Variants in RIMS2 observed in about 807,000 individuals in gnomAD.
RIMS2 encodes regulating synaptic membrane exocytosis 2, also known as regulating synaptic membrane exocytosis protein 2.
RIMS2 carries 59 observed loss-of-function variants against 174.4 expected under a neutral mutation model. The observed-to-expected ratio is 0.34, with a 90% CI of 0.27 to 0.42. The LOEUF (loss-of-function observed/expected upper bound fraction) is 0.42. Among genes scored for constraint, RIMS2 ranks in the 10% least tolerant of loss-of-function variants. The pLI is 1.00. For missense variants in RIMS2, 1,620 were observed against 1,666.3 expected, an observed-to-expected ratio of 0.97 and a Z score of 0.48; for synonymous variants, 606 against 572.5, an observed-to-expected ratio of 1.06 and a Z score of -0.84.
chr8:104,146,451 G>A (rs2098640795), intron 19 of RIMS2, among the ~76,000 whole-genome samples: 1 of 152,144 alleles, frequency 6.6e-6, no homozygotes, highest in South Asian at 2.1e-4. Context: ...AGGTTGAAGA[G>A]AAGTGCACTT....
At chr8:103,819,529 C>G in intron 3 of RIMS2, 1 of 1,612,460 alleles carries the variant, frequency 6.2e-7, no homozygotes, top group Non-Finnish European at 8.5e-7. Context: ...GACATTGCGC[C>G]AGGTCTGCAA....
chr8:104,113,256 C>G (rs999664673), intron 19 of RIMS2, among the ~76,000 whole-genome samples: 2 of 152,056 alleles, frequency 1.3e-5, no homozygotes, highest in Admixed American at 6.6e-5. Flanking sequence ...CATGAGAATT[C>G]TATTCCAGTT....
intron 4 of RIMS2, among the ~76,000 whole-genome samples, chr8:103,896,375 T>C (rs976038128): frequency 6.6e-6 from 1 of 151,636 alleles, no homozygotes; most frequent in Non-Finnish European, 1.5e-5. Context: ...GTATGTACTC[T>C]GGTAGAAGAA....
intron 11 of RIMS2, among the ~76,000 whole-genome samples, chr8:103,928,860 T>C (rs1173175478): frequency 2.0e-5 from 3 of 151,490 alleles, no homozygotes; most frequent in South Asian, 2.1e-4. Context: ...TGTGAAGATA[T>C]GTTTGTTATA....
At chr8:103,965,578 A>G (rs1442762691) in intron 15 of RIMS2, among the ~76,000 whole-genome samples, 1 of 152,098 alleles carries the variant, frequency 6.6e-6, no homozygotes, top group Non-Finnish European at 1.5e-5. Context: ...ATAGACAATC[A>G]TGGCATCACA....
chr8:103,964,246 C>T (rs560149085), intron 15 of RIMS2, among the ~76,000 whole-genome samples: 3 of 152,258 alleles, frequency 2.0e-5, no homozygotes, highest in African/African-American at 2.4e-5. Context: ...AGTTCCAAAA[C>T]GTCTGTACCA....
intron 19 of RIMS2, among the ~76,000 whole-genome samples, chr8:104,243,744 C>CA (rs2099315383): frequency 6.6e-6 from 1 of 152,130 alleles, no homozygotes; most frequent in Admixed American, 6.6e-5. Context: ...GGTTGTATCC[C>CA]AAAAAGCTAT....
At chr8:104,111,397 A>G (rs1222204894) in intron 19 of RIMS2, among the ~76,000 whole-genome samples, 2 of 151,992 alleles carry the variant, frequency 1.3e-5, no homozygotes, top group East Asian at 1.9e-4. Flanking sequence ...CAAGTGGCTC[A>G]TTTTCTTTTT....
chr8:103,516,771 G>A (rs189417916), intron 1 of RIMS2, among the ~76,000 whole-genome samples: 6 of 152,014 alleles, frequency 3.9e-5, no homozygotes, highest in African/African-American at 1.4e-4. Flanking sequence ...AACCCAATTG[G>A]GACAAAAGTA....
chr8:104,255,896 C>T (rs1231611198), downstream of RIMS2: 1 of 152,168 alleles, frequency 6.6e-6, no homozygotes, highest in African/African-American at 2.4e-5. Flanking sequence ...ACACATCTTC[C>T]ATATGCCCTG....
exon 17 of RIMS2, chr8:103,989,339 A>G (rs2094547506): frequency 6.2e-7 from 1 of 1,613,234 alleles, no homozygotes; most frequent in Admixed American, 1.7e-5. Context: ...AGGGACCCGC[A>G]CTATGACCGG....
At chr8:103,595,819 GA>G (rs1443847040) in intron 1 of RIMS2, among the ~76,000 whole-genome samples, 3 of 151,892 alleles carry the variant, frequency 2.0e-5, no homozygotes, top group Non-Finnish European at 2.9e-5. Flanking sequence ...ATTTTAAGAA[GA>G]AATGAGGACT....
intron 4 of RIMS2, among the ~76,000 whole-genome samples, chr8:103,899,143 C>T (rs1216854698): frequency 6.6e-6 from 1 of 151,682 alleles, no homozygotes; most frequent in Non-Finnish European, 1.5e-5. Context: ...TGGGTTGGTT[C>T]CAACTCTTTG....
intron 1 of RIMS2, among the ~76,000 whole-genome samples, chr8:103,646,414 A>T (rs2096334133): frequency 1.3e-5 from 2 of 152,010 alleles, no homozygotes. Flanking sequence ...TCAGGGGTAC[A>T]TGTGCCAGAT....
intron 19 of RIMS2, among the ~76,000 whole-genome samples, chr8:104,062,288 C>T (rs2097014157): frequency 6.6e-6 from 1 of 151,992 alleles, no homozygotes; most frequent in South Asian, 2.1e-4. Context: ...TCTGTAATCC[C>T]AGCTACTCGG....
intron 19 of RIMS2, among the ~76,000 whole-genome samples, chr8:104,044,041 G>A (rs1011976515): frequency 1.3e-5 from 2 of 151,674 alleles, no homozygotes; most frequent in African/African-American, 4.8e-5. Flanking sequence ...ATATATGTAA[G>A]TTAAAGGATT....
intron 1 of RIMS2, among the ~76,000 whole-genome samples, chr8:103,621,755 CAGTAA>C (rs1293539623): frequency 6.6e-6 from 1 of 152,154 alleles, no homozygotes; most frequent in Non-Finnish European, 1.5e-5. Context: ...GCTTGGCACA[CAGTAA>C]ATATTCACAA....
At chr8:103,859,297 G>A (rs1337042079) in intron 3 of RIMS2, among the ~76,000 whole-genome samples, 3 of 152,152 alleles carry the variant, frequency 2.0e-5, no homozygotes, top group Non-Finnish European at 2.9e-5. Context: ...GGGTAAGAGA[G>A]CAATCTGAGT....
chr8:104,011,958 G>A (rs140969670), intron 17 of RIMS2, among the ~76,000 whole-genome samples: 7 of 152,044 alleles, frequency 4.6e-5, no homozygotes, highest in Admixed American at 4.6e-4. Flanking sequence ...AAAGAAAAGT[G>A]TTCCTTTAAA....
Sources: allele counts gnomAD v4.1 joint callset (sites outside exome capture counted in the v4.1 genomes callset), GRCh38; gene constraint gnomAD v4.1.1; transcripts MANE v1.5; gene names NCBI Gene and HGNC (gene_info 2026-07-23, HGNC 2026-07-21).